Variants in EFCAB14 observed in about 807,000 individuals in gnomAD.
EFCAB14 encodes the protein EF-hand calcium binding domain 14.
A neutral mutation model predicts 56.5 loss-of-function variants in EFCAB14; 43 were observed. The ratio of observed to expected loss-of-function variants is 0.76; its 90% CI spans 0.60 to 0.98. The LOEUF (loss-of-function observed/expected upper bound fraction) is 0.98, where lower values mean the gene tolerates loss of function less well. Ranked by LOEUF, EFCAB14 falls within the 50% of genes least tolerant of loss-of-function variation. The pLI is 0.00. For synonymous variants in EFCAB14, 235 were observed against 212.9 expected (o/e 1.10, Z -0.90); for missense variants, 538 against 580.3 (o/e 0.93, Z 0.75).
chr1:46,696,430 A>G (rs1460128142), intron 4 of EFCAB14, 121 bp downstream of exon 4: 3 of 933,232 alleles, frequency 3.2e-6, no homozygotes, highest in Non-Finnish European at 5.0e-6. Context: ...GCCCTCTTGG[A>G]GCAGCTGATT....
chr1:46,706,271 A>C (rs191788622), intron 3 of EFCAB14, among the ~76,000 whole-genome samples: 2 of 152,356 alleles, frequency 1.3e-5, no homozygotes, highest in African/African-American at 4.8e-5. Flanking sequence ...ATTGAGATTT[A>C]CTGTATCTGC....
At chr1:46,686,621 A>T in intron 8 of EFCAB14, 163 bp downstream of exon 8, 1 of 738,660 alleles carries the variant, frequency 1.4e-6, no homozygotes, top group South Asian at 1.7e-5. Flanking sequence ...TGCCTAAAAA[A>T]GTATTCATTT....
chr1:46,708,125 A>C (rs1677259700), intron 2 of EFCAB14, 74 bp from the exon 3 acceptor site: 2 of 1,375,052 alleles, frequency 1.5e-6, no homozygotes, highest in African/African-American at 2.9e-5. Context: ...AAAATCATCA[A>C]ACAGTAGGAA....
chr1:46,694,107 C>T (rs1282774070), intron 4 of EFCAB14, among the ~76,000 whole-genome samples: 2 of 152,160 alleles, frequency 1.3e-5, no homozygotes, highest in East Asian at 3.8e-4. Context: ...AAATGTTAGA[C>T]CTAAAACCAT....
At chr1:46,696,509 C>T in intron 4 of EFCAB14, 42 bp downstream of exon 4, 1 of 1,566,750 alleles carries the variant, frequency 6.4e-7, no homozygotes, top group Non-Finnish European at 8.8e-7. Context: ...CCACACATGG[C>T]ACCTACCTTC....
At chr1:46,682,445 G>T (rs1346954999) in intron 10 of EFCAB14, among the ~76,000 whole-genome samples, 1 of 152,152 alleles carries the variant, frequency 6.6e-6, no homozygotes, top group African/African-American at 2.4e-5. Flanking sequence ...ATTTTTCTGT[G>T]AATCATATCC....
chr1:46,698,016 A>T (rs1677101563), intron 3 of EFCAB14, among the ~76,000 whole-genome samples: 2 of 151,966 alleles, frequency 1.3e-5, no homozygotes, highest in Admixed American at 6.6e-5. Context: ...TACACCTGGC[A>T]AATTTTTGCA....
At chr1:46,708,114 A>G in intron 2 of EFCAB14, 63 bp from the exon 3 acceptor site, 1 of 1,445,120 alleles carries the variant, frequency 6.9e-7, no homozygotes, top group Non-Finnish European at 9.2e-7. Context: ...CCTAAGATGA[A>G]AAAATCATCA....
chr1:46,707,150 C>T lies in EFCAB14; in HGVS notation c.480+756G>A, dbSNP rs146777590. Among the ~76,000 whole-genome samples the T allele has an allele frequency of 1.2e-3, 190 of 152,226 alleles. 1 individual carries two copies. The highest frequency in any genetic ancestry group is 0.01 in the Middle Eastern group (3 of 294). ...TGAACAAGACAATACCTTCTCAGCC[C>T]CAAGAAAAATAATATCTATTTTTAA... On this transcript the variant is annotated intron_variant, in intron 3 of 10. Coordinates refer to ENST00000371933, the MANE Select transcript of EFCAB14 (RefSeq NM_014774.3).
intron 4 of EFCAB14, 111 bp downstream of exon 4, chr1:46,696,423 CTCTTGGAGCAGCTGATT>C: frequency 2.2e-6 from 2 of 900,104 alleles, no homozygotes; most frequent in Non-Finnish European, 3.5e-6. Context: ...CATTACTGCC[CTCTTGGAGCAGCTGATT>C]TCAAATGCTA....
chr1:46,704,948 G>C (rs1677213652), intron 3 of EFCAB14, among the ~76,000 whole-genome samples: 1 of 150,282 alleles, frequency 6.7e-6, no homozygotes, highest in African/African-American at 2.5e-5. Context: ...GATAAGAACA[G>C]TTCTCGTTAA....
intron 8 of EFCAB14, among the ~76,000 whole-genome samples, chr1:46,685,572 T>C (rs935606452): frequency 2.0e-5 from 3 of 152,164 alleles, no homozygotes; most frequent in Admixed American, 6.5e-5. Context: ...TAAGGAGAAA[T>C]TGTATCTGGT....
At chr1:46,700,702 T>A (rs901834039) in intron 3 of EFCAB14, among the ~76,000 whole-genome samples, 1 of 152,234 alleles carries the variant, frequency 6.6e-6, no homozygotes, top group Non-Finnish European at 1.5e-5. Flanking sequence ...ATGTACATGA[T>A]ATATTTTTTA....
At chr1:46,690,280 G>A (rs1676970101) in intron 5 of EFCAB14, among the ~76,000 whole-genome samples, 1 of 152,104 alleles carries the variant, frequency 6.6e-6, no homozygotes, top group Non-Finnish European at 1.5e-5. Flanking sequence ...AGTATAACAT[G>A]TTTATATACA....
intron 2 of EFCAB14, among the ~76,000 whole-genome samples, chr1:46,710,354 C>T (rs913768800): frequency 1.3e-5 from 2 of 152,032 alleles, no homozygotes; most frequent in Non-Finnish European, 2.9e-5. Flanking sequence ...TATTTGATAT[C>T]CTCCTTATAG....
intron 3 of EFCAB14, among the ~76,000 whole-genome samples, chr1:46,700,199 A>C (rs139960374): frequency 2.5e-4 from 38 of 152,350 alleles, no homozygotes; most frequent in Non-Finnish European, 5.0e-4. Context: ...ATTTGTAACC[A>C]AGGAACAGAT....
intron 3 of EFCAB14, among the ~76,000 whole-genome samples, chr1:46,699,800 A>G (rs974316672): frequency 3.3e-5 from 5 of 152,216 alleles, no homozygotes; most frequent in African/African-American, 1.2e-4. Flanking sequence ...GCCTGACATA[A>G]GTAACTTGCT....
At chr1:46,712,573 G>C (rs1457107660) in intron 2 of EFCAB14, among the ~76,000 whole-genome samples, 2 of 152,052 alleles carry the variant, frequency 1.3e-5, no homozygotes. Context: ...CCTTGCAAGT[G>C]TCTTGGAAAA....
At chr1:46,683,833 G>A (rs1312945953) in intron 9 of EFCAB14, among the ~76,000 whole-genome samples, 1 of 152,200 alleles carries the variant, frequency 6.6e-6, no homozygotes, top group African/African-American at 2.4e-5. Flanking sequence ...GAGTGCAACC[G>A]TAAGATGATG....
Sources: allele counts gnomAD v4.1 joint callset (sites outside exome capture counted in the v4.1 genomes callset), GRCh38; gene constraint gnomAD v4.1.1; transcripts MANE v1.5; gene names NCBI Gene and HGNC (gene_info 2026-07-23, HGNC 2026-07-21).